The following GABRB3 variants were observed in gnomAD, a reference collection of about 807,000 sequenced individuals.
GABRB3 encodes the protein gamma-aminobutyric acid receptor subunit beta-3.
Under a neutral mutation model 52.1 loss-of-function variants are expected in GABRB3, and 14 were observed. The ratio of observed to expected loss-of-function variants is 0.27; its 90% CI spans 0.18 to 0.42. GABRB3 has a LOEUF of 0.42. Ranked by LOEUF, GABRB3 falls within the 10% of genes least tolerant of loss-of-function variation. The pLI is 1.00. For synonymous variants in GABRB3, 260 were observed against 232.3 expected (o/e 1.12, Z -1.08); for missense variants, 307 against 609.1 (o/e 0.50, Z 5.22).
chr15:26,695,381 G>GA (rs1888706444), intron 3 of GABRB3, among the ~76,000 whole-genome samples: 1 of 152,022 alleles, frequency 6.6e-6, no homozygotes. Context: ...AAAGTCAGAG[G>GA]AAAAAGGATA....
chr15:26,645,396 A>C (rs61998704), intron 3 of GABRB3, among the ~76,000 whole-genome samples: 6,775 of 152,254 alleles, frequency 0.044, 295 homozygotes, highest in Non-Finnish European at 0.058. Flanking sequence ...TCATATTAAG[A>C]ATATAGCCTT....
chr15:26,711,485 C>G (rs1213148898), intron 3 of GABRB3, among the ~76,000 whole-genome samples: 1 of 152,162 alleles, frequency 6.6e-6, no homozygotes, highest in Non-Finnish European at 1.5e-5. Flanking sequence ...TCATTTCCAT[C>G]TGCTTCATAT....
intron 3 of GABRB3, among the ~76,000 whole-genome samples, chr15:26,640,764 G>A (rs534541463): frequency 1.6e-4 from 24 of 152,314 alleles, no homozygotes; most frequent in South Asian, 4.1e-4. Context: ...TTCAGCCACC[G>A]CGGAGATGAT....
chr15:26,591,083 G>GGTA (rs1208422130), intron 4 of GABRB3, among the ~76,000 whole-genome samples: 12 of 152,166 alleles, frequency 7.9e-5, no homozygotes, highest in African/African-American at 2.9e-4. Context: ...GACTACCCTG[G>GGTA]GTAAGCTAAT....
intron 8 of GABRB3, among the ~76,000 whole-genome samples, chr15:26,556,708 T>A (rs1372034930): frequency 6.6e-6 from 1 of 152,128 alleles, no homozygotes; most frequent in Non-Finnish European, 1.5e-5. Flanking sequence ...AATTATTAGG[T>A]TAAAATATGG....
chr15:26,668,037 C>G (rs1887769404), intron 3 of GABRB3, among the ~76,000 whole-genome samples: 1 of 152,152 alleles, frequency 6.6e-6, no homozygotes, highest in Non-Finnish European at 1.5e-5. Context: ...CCCTGCGTAA[C>G]AGTGGTTTTA....
intron 3 of GABRB3, among the ~76,000 whole-genome samples, chr15:26,655,469 A>G (rs1024293639): frequency 6.6e-6 from 1 of 151,936 alleles, no homozygotes. Flanking sequence ...TAGGCCAGGC[A>G]TGGTGGTTCA....
intron 3 of GABRB3, among the ~76,000 whole-genome samples, chr15:26,754,916 T>C (rs115151290): frequency 0.017 from 2,574 of 151,696 alleles, 83 homozygotes; most frequent in African/African-American, 0.059. Flanking sequence ...GCCGTGGAGA[T>C]AAAACACAGG....
chr15:26,682,291 C>A (rs969102479), intron 3 of GABRB3, among the ~76,000 whole-genome samples: 1 of 152,176 alleles, frequency 6.6e-6, no homozygotes, highest in East Asian at 1.9e-4. Flanking sequence ...TCCTCCCTCT[C>A]CCACTCCCTG....
intron 4 of GABRB3, among the ~76,000 whole-genome samples, chr15:26,600,316 A>G (rs759115224): frequency 2.6e-4 from 40 of 152,164 alleles, no homozygotes; most frequent in Non-Finnish European, 3.8e-4. Flanking sequence ...AAAGCCAGAA[A>G]GCATATTTTA....
At chr15:26,609,134 A>G (rs1349537665) in intron 4 of GABRB3, among the ~76,000 whole-genome samples, 1 of 120,418 alleles carries the variant, frequency 8.3e-6, no homozygotes, top group African/African-American at 2.7e-5. Flanking sequence ...ACACACACAC[A>G]CAATGGAATG....
At chr15:26,628,002 C>T (rs1892771441) in intron 3 of GABRB3, among the ~76,000 whole-genome samples, 1 of 152,182 alleles carries the variant, frequency 6.6e-6, no homozygotes, top group Non-Finnish European at 1.5e-5. Flanking sequence ...CCCTGATCAG[C>T]CAGCAGCCAT....
At chr15:26,655,636 G>C (rs1363448463) in intron 3 of GABRB3, among the ~76,000 whole-genome samples, 1 of 152,048 alleles carries the variant, frequency 6.6e-6, no homozygotes, top group Admixed American at 6.6e-5. Context: ...AGGCTACTCG[G>C]GAGGCTGAGG....
rs141499416 is a variant in GABRB3 at position 26,665,967 on chromosome 15, A to G, written c.241-44433T>C. ...CACTGAGACAAGTAGGTTTACAAGT[A>G]TAAAACCTTTCTCAATCTCAGATAA... is the stretch of plus-strand genomic sequence containing the variant. On this transcript the variant is annotated intron_variant, in intron 3 of 8. Coordinates refer to ENST00000311550, the MANE Select transcript of GABRB3 (RefSeq NM_000814.6). 8.0e-3 allele frequency among the ~76,000 whole-genome samples: 1,211 copies of G among 152,310 alleles called. 9 individuals carry two copies. The highest frequency in any genetic ancestry group is 0.013 in the Non-Finnish European group (862 of 68,026).
At chr15:26,763,630 AC>A (rs1890883103) in intron 3 of GABRB3, among the ~76,000 whole-genome samples, 1 of 151,908 alleles carries the variant, frequency 6.6e-6, no homozygotes, top group African/African-American at 2.4e-5. Context: ...ACACACACAC[AC>A]ACACACACCA....
chr15:26,686,754 C>T (rs1220794000), intron 3 of GABRB3, among the ~76,000 whole-genome samples: 2 of 152,260 alleles, frequency 1.3e-5, no homozygotes, highest in African/African-American at 2.4e-5. Flanking sequence ...CACAGTGACG[C>T]TACCAGGCCA....
chr15:26,753,417 C>G (rs1230875296), intron 3 of GABRB3, among the ~76,000 whole-genome samples: 1 of 152,162 alleles, frequency 6.6e-6, no homozygotes, highest in Non-Finnish European at 1.5e-5. Context: ...AAGGAGCGGT[C>G]TTCACTATAT....
chr15:26,669,417 T>C (rs548133741), intron 3 of GABRB3, among the ~76,000 whole-genome samples: 9 of 152,310 alleles, frequency 5.9e-5, no homozygotes, highest in East Asian at 5.8e-4. Context: ...CAGTGAATCA[T>C]ATAAGCTGTC....
intron 8 of GABRB3, among the ~76,000 whole-genome samples, chr15:26,554,021 T>A (rs866326644): frequency 8.4e-5 from 2 of 23,682 alleles, no homozygotes; most frequent in East Asian, 3.4e-4. Flanking sequence ...ACCTGACTAT[T>A]TATATATATA....
Sources: gnomAD v4.1 joint callset for allele counts (sites outside exome capture counted in the v4.1 genomes callset) on GRCh38, gnomAD v4.1.1 for gene constraint, MANE v1.5 for transcripts, NCBI Gene and HGNC (gene_info 2026-07-23, HGNC 2026-07-21) for gene names.